The following OR3A2 variants were observed in gnomAD, a reference collection of about 807,000 sequenced individuals.
OR3A2 encodes the protein olfactory receptor 3A2.
For synonymous variants in OR3A2, 126 were observed against 159.3 expected, an observed-to-expected ratio of 0.79 and a Z score of 1.57; for missense variants, 318 against 392.8, an observed-to-expected ratio of 0.81 and a Z score of 1.61.
At chr17:3,318,695 G>C (rs2049095569) in intron 3 of OR3A2, among the ~76,000 whole-genome samples, 1 of 152,128 alleles carries the variant, frequency 6.6e-6, no homozygotes. Flanking sequence ...CCTTTAGGTT[G>C]TTTCCAGTTT....
intron 3 of OR3A2, chr17:3,292,119 G>A (rs1286137893): frequency 1.2e-6 from 2 of 1,614,188 alleles, no homozygotes; most frequent in East Asian, 2.2e-5. Flanking sequence ...GTTGGTGAAA[G>A]CACAAGCCCA....
At chr17:3,290,358 T>C (rs1184529449) in intron 3 of OR3A2, among the ~76,000 whole-genome samples, 1 of 152,206 alleles carries the variant, frequency 6.6e-6, no homozygotes, top group Non-Finnish European at 1.5e-5. Context: ...GTACCACGTT[T>C]GGTCCTAACC....
At chr17:3,278,428 C>T in exon 2 of OR3A2, 1 of 1,614,204 alleles carries the variant, frequency 6.2e-7, no homozygotes, top group Non-Finnish European at 8.5e-7. Flanking sequence ...GACATGGCCA[C>T]AGTGTGGGTC....
At chr17:3,366,528 T>C (rs138559547) in intron 2 of OR3A2, among the ~76,000 whole-genome samples, 120 of 152,334 alleles carry the variant, frequency 7.9e-4, no homozygotes, top group African/African-American at 2.7e-3. Context: ...TTACAGTTTC[T>C]TGTGAAAAGC....
At chr17:3,359,204 A>G (rs1289962377) in intron 2 of OR3A2, among the ~76,000 whole-genome samples, 2 of 151,702 alleles carry the variant, frequency 1.3e-5, no homozygotes, top group Non-Finnish European at 2.9e-5. Context: ...AAGGCAGAAT[A>G]CTACTGGATC....
At chr17:3,319,035 A>G (rs1287480398) in intron 3 of OR3A2, among the ~76,000 whole-genome samples, 1 of 152,138 alleles carries the variant, frequency 6.6e-6, no homozygotes, top group Non-Finnish European at 1.5e-5. Flanking sequence ...TTAAACCTCC[A>G]TTGCTTTTAC....
At chr17:3,335,863 T>C (rs2049271911) in intron 3 of OR3A2, among the ~76,000 whole-genome samples, 166 bp downstream of exon 2, 1 of 152,188 alleles carries the variant, frequency 6.6e-6, no homozygotes, top group Non-Finnish European at 1.5e-5. Context: ...TTTTCTTACT[T>C]AGTGCCCATG....
intron 3 of OR3A2, among the ~76,000 whole-genome samples, chr17:3,316,381 C>T (rs752124230): frequency 1.3e-5 from 2 of 152,178 alleles, no homozygotes; most frequent in Non-Finnish European, 2.9e-5. Flanking sequence ...ATTTTACACA[C>T]CATGGGCATC....
chr17:3,282,982 A>C (rs2048786500), intron 1 of OR3A2, among the ~76,000 whole-genome samples: 1 of 151,488 alleles, frequency 6.6e-6, no homozygotes. Flanking sequence ...TCTAAAAAGA[A>C]TCTCTCTCTC....
chr17:3,309,734 A>G (rs1226493278), intron 3 of OR3A2, among the ~76,000 whole-genome samples: 1 of 151,800 alleles, frequency 6.6e-6, no homozygotes, highest in East Asian at 1.9e-4. Flanking sequence ...TTTTCATCTC[A>G]TTTCGCTTTT....
At position 3,368,851 on chromosome 17, in the gene OR3A2, A is replaced by C. The variant is rs527270209; in HGVS notation, c.-179+14953T>G. 2.0e-5 allele frequency among the ~76,000 whole-genome samples: 3 copies of C among 152,230 alleles called. No individual in the cohort carries two copies. The East Asian group carries it at 5.8e-4, about 29-fold the overall frequency. ...TGGTATGGTCATTTTCACAATATTG[A>C]TTCTACCCATTCATGAGCATGGGAT... On this transcript the variant is annotated intron_variant, in intron 2 of 4. Coordinates refer to the OR3A2 transcript ENST00000573491.
At chr17:3,330,057 T>C (rs1403470138) in intron 3 of OR3A2, among the ~76,000 whole-genome samples, 1 of 146,746 alleles carries the variant, frequency 6.8e-6, no homozygotes, top group African/African-American at 2.7e-5. Context: ...TCTAGCTTGA[T>C]TGCACTGTTG....
In OR3A2 at chr17:3,291,833, C is replaced by T. The variant is rs758418499; in HGVS notation, c.-84-12680G>A. The T allele has an allele frequency of 8.7e-6, 14 of 1,613,760 alleles. No homozygotes were observed. The African/African-American group carries it at 1.9e-4, about 22-fold the overall frequency. The stretch of plus-strand genomic sequence containing the variant: ...TACCTGAACCATAGAATATGGCAAC[C>T]ACAGTGAGGTGGGAGCCACATGTGG... On this transcript the variant is annotated intron_variant, in intron 3 of 4. Transcript: ENST00000573491.
chr17:3,343,640 T>A lies in OR3A2; in HGVS notation c.-178-7514A>T, dbSNP rs571418548. On this transcript the variant is annotated intron_variant, in intron 2 of 4. Transcript: ENST00000573491. ...CTAAGCCACAAATTCAGTAATTCAGTAGTTCTGGGTGGGAAGTGGGGAAAA... is the reference window on the plus strand; with the variant it reads ...CTAAGCCACAAATTCAGTAATTCAGAAGTTCTGGGTGGGAAGTGGGGAAAA... Among the ~76,000 whole-genome samples, 7 of 152,290 alleles carry A rather than the reference T, an allele frequency of 4.6e-5. No homozygotes were observed. In the South Asian group the frequency reaches 1.2e-3, roughly 27 times the overall value.
At chr17:3,336,086 T>C (rs1325696248) in exon 3 of OR3A2, 1 of 152,346 alleles carries the variant, frequency 6.6e-6, no homozygotes, top group African/African-American at 2.4e-5. Flanking sequence ...AAACTCTCCT[T>C]GCCAACGCTG....
intron 3 of OR3A2, among the ~76,000 whole-genome samples, chr17:3,312,952 ACT>A (rs1456357492): frequency 2.0e-5 from 3 of 152,180 alleles, no homozygotes; most frequent in Non-Finnish European, 4.4e-5. Context: ...GGCAAAATAC[ACT>A]GATTTATGTT....
chr17:3,342,707 G>T (rs535892141), intron 2 of OR3A2, among the ~76,000 whole-genome samples: 2 of 152,322 alleles, frequency 1.3e-5, no homozygotes, highest in East Asian at 3.9e-4. Flanking sequence ...CCTACTGGGA[G>T]GTGTCTCCAA....
chr17:3,318,065 C>G (rs535040532), intron 3 of OR3A2, among the ~76,000 whole-genome samples: 159 of 152,240 alleles, frequency 1.0e-3, no homozygotes, highest in African/African-American at 3.5e-3. Flanking sequence ...AACAGGGTCT[C>G]GGGAGATATC....
In OR3A2 at chr17:3,371,591, G is replaced by A. The variant is rs1322257512; in HGVS notation, c.-179+12213C>T. Among the ~76,000 whole-genome samples the A allele has an allele frequency of 3.5e-4, 47 of 136,046 alleles. 1 individual carries two copies. Among genetic ancestry groups the A allele is most frequent in the East Asian group, 2.1e-3 (9 of 4,194 alleles). The allele number at this position is 136,046 out of a possible 152,430, so 89.3% of individuals were successfully genotyped here. A position where few individuals can be genotyped will look rare whatever the true frequency, so the allele number is the denominator to read the frequency against. On this transcript the variant is annotated intron_variant, in intron 2 of 4. Transcript: ENST00000573491. ...GGGCTGATTCCCCCACCTCCCTCCC[G>A]GACGGGGTGGCTGGCCGGGCAGAGG...
Sources: allele counts gnomAD v4.1 joint callset (sites outside exome capture counted in the v4.1 genomes callset), GRCh38; gene constraint gnomAD v4.1.1; transcripts MANE v1.5; gene names NCBI Gene and HGNC (gene_info 2026-07-23, HGNC 2026-07-21).